The following FETUB variants were observed in gnomAD, a reference collection of about 807,000 sequenced individuals.
FETUB encodes fetuin B, also known as fetuin-B.
A neutral mutation model predicts 30.9 loss-of-function variants in FETUB; 28 were observed. The observed-to-expected ratio is 0.90, with a 90% CI of 0.67 to 1.24. The LOEUF (loss-of-function observed/expected upper bound fraction) is 1.24. FETUB is among the 50% of genes most tolerant of loss of function. The pLI is 0.00. For synonymous variants in FETUB, 186 were observed against 175.9 expected (o/e 1.06, Z -0.45); for missense variants, 469 against 455.3 (o/e 1.03, Z -0.27).
chr3:186,640,277 G>C (rs1040659071), upstream of FETUB: 18 of 613,094 alleles, frequency 2.9e-5, no homozygotes, highest in Non-Finnish European at 5.0e-5. Context: ...TCTAAGGTTA[G>C]AATCATTGGG....
rs779884625 is a variant in FETUB at position 186,652,806 on chromosome 3, G to A, written c.*175G>A. Reference sequence around the variant, plus strand: ...TTGGAAATAATGAGACTGAGCCCTCGGCTTGGGCTGCACTCTACCCTGTAC... The same window carrying A: ...TTGGAAATAATGAGACTGAGCCCTCAGCTTGGGCTGCACTCTACCCTGTAC... On this transcript the variant is annotated 3_prime_UTR_variant, in exon 7 of 7. Coordinates refer to ENST00000265029, the MANE Select transcript of FETUB (RefSeq NM_014375.3). The A allele has an allele frequency of 3.8e-5, 27 of 719,794 alleles. No individual in the cohort carries two copies. The highest frequency in any genetic ancestry group is 5.5e-5 in the Non-Finnish European group (25 of 453,186). The allele number at this position is 719,794 out of a possible 1,614,324, so 44.6% of individuals were successfully genotyped here.
At chr3:186,644,358 TATG>T (rs1396417646) in intron 3 of FETUB, among the ~76,000 whole-genome samples, 1 of 152,200 alleles carries the variant, frequency 6.6e-6, no homozygotes, top group Non-Finnish European at 1.5e-5. Context: ...ATGTATCAGA[TATG>T]ATGTTCGGTG....
chr3:186,652,585 G>T lies in FETUB; in HGVS notation c.1103G>T (p.Cys368Phe). 2 of 1,612,952 alleles carry T rather than the reference G, an allele frequency of 1.2e-6. No homozygotes were observed. Among genetic ancestry groups the T allele is most frequent in the Non-Finnish European group, 1.7e-6 (2 of 1,179,778 alleles). ...FPKEKARTAE[C>F]PGPAQNASPL... ...AAAGAAAAAGCACGCACTGCTGAGT[G>T]CCCAGGGCCAGCCCAGAATGCCAGC... Residue 368 changes from cysteine (C) to phenylalanine (F), a missense_variant, in exon 7 of 7, where the codon TGC becomes TTC. Physicochemically the swap from Cys to Phe is radical, Grantham distance 205 (BLOSUM62 -2). Transcript: ENST00000265029.
chr3:186,646,114 C>T (rs982588161), intron 4 of FETUB, 134 bp from the exon 5 acceptor site: 33 of 640,082 alleles, frequency 5.2e-5, no homozygotes, highest in African/African-American at 1.1e-4. Flanking sequence ...TGGGGATTTG[C>T]GGAACAACAG....
chr3:186,637,678 G>A (rs1716815328), upstream of FETUB, among the ~76,000 whole-genome samples: 1 of 152,214 alleles, frequency 6.6e-6, no homozygotes, highest in African/African-American at 2.4e-5. Flanking sequence ...CCAGAAAAAG[G>A]CCACTGGCAG....
chr3:186,644,858 TACA>T lies in FETUB; in HGVS notation c.537_539del (p.Asn180del), dbSNP rs780384772. The T allele has an allele frequency of 2.2e-5, 35 of 1,613,776 alleles. No homozygotes were observed. The highest frequency in any genetic ancestry group is 1.9e-4 in the African/African-American group (14 of 74,858). ...GGCTGCCACCGAGTCTCTTGCGAAA[TACA>T]ACAATGAGAACACATCCAAGCAGTA... On this transcript the variant is annotated inframe_deletion, in exon 4 of 7. Coordinates refer to ENST00000265029, the MANE Select transcript of FETUB (RefSeq NM_014375.3).
chr3:186,640,480 T>G lies in FETUB; in HGVS notation c.20T>G (p.Leu7Arg). ...CACAGAATGGGTCTGCTCCTTCCCC[T>G]GGCACTCTGCATCCTAGTCCTGTGC... MGLLLP[L>R]ALCILVLCCG... is the part of the protein sequence containing the mutation. The change falls in exon 1 of 7, where the codon CTG (leucine) becomes CGG (arginine). Residue 7 changes from leucine to arginine, a missense_variant. Coordinates refer to ENST00000265029, the MANE Select transcript of FETUB (RefSeq NM_014375.3). 1 of 1,614,158 alleles carries G rather than the reference T, an allele frequency of 6.2e-7. No homozygotes were observed. Among genetic ancestry groups the G allele is most frequent in the South Asian group, 1.1e-5 (1 of 91,078 alleles).
At position 186,644,667 on chromosome 3, in the gene FETUB, C is replaced by G. The variant is rs1319193782; in HGVS notation, c.425-84C>G. Reference sequence around the variant, plus strand: ...AGGGGTATATTCCAGAGGTAACTTCCTCACCCCATCCTTGCCTCTTTACAG... The same window carrying G: ...AGGGGTATATTCCAGAGGTAACTTCGTCACCCCATCCTTGCCTCTTTACAG... On this transcript the variant is annotated intron_variant, in intron 3 of 6. Coordinates refer to ENST00000265029, the MANE Select transcript of FETUB (RefSeq NM_014375.3). 5.5e-6 allele frequency: 6 copies of G among 1,082,786 alleles called. No homozygotes were observed. In the East Asian group the frequency reaches 1.2e-4, roughly 22 times the overall value. 67.1% of individuals were successfully genotyped at this position (1,082,786 alleles called of 1,614,324 possible).
At chr3:186,649,527 T>C (rs1045921385) in intron 5 of FETUB, among the ~76,000 whole-genome samples, 2 of 152,168 alleles carry the variant, frequency 1.3e-5, no homozygotes, top group African/African-American at 4.8e-5. Context: ...TGGAGTACAG[T>C]GGCGCAATCT....
intron 5 of FETUB, among the ~76,000 whole-genome samples, chr3:186,649,891 T>C (rs1224721622): frequency 1.3e-5 from 2 of 152,066 alleles, no homozygotes; most frequent in South Asian, 4.1e-4. Context: ...GAACATGTGG[T>C]TTTTGGCTTT....
intron 5 of FETUB, among the ~76,000 whole-genome samples, chr3:186,649,856 T>C (rs1579052722): frequency 6.6e-6 from 1 of 152,196 alleles, no homozygotes; most frequent in East Asian, 1.9e-4. Context: ...TGTATACCCT[T>C]TCTTTAGCTT....
chr3:186,648,280 T>C (rs1213096670), intron 5 of FETUB, among the ~76,000 whole-genome samples: 3 of 152,240 alleles, frequency 2.0e-5, no homozygotes, highest in African/African-American at 4.8e-5. Context: ...GGCATACTTC[T>C]TGAAGATCAA....
rs767332533 is a variant in FETUB at position 186,652,635 on chromosome 3, TCA to T, written c.*9_*10del. The T allele has an allele frequency of 9.0e-5, 143 of 1,597,064 alleles. 1 individual carries two copies. In the Middle Eastern group the frequency reaches 1.9e-3, roughly 22 times the overall value. On this transcript the variant is annotated 3_prime_UTR_variant, in exon 7 of 7. Coordinates refer to ENST00000265029, the MANE Select transcript of FETUB (RefSeq NM_014375.3). ...CCCTCTTGTCCTTCCGCCATGAGAATCACACAGAGTCTTCTGTAGGGGTATGG... is the reference window on the plus strand; with the variant it reads ...CCCTCTTGTCCTTCCGCCATGAGAATCACAGAGTCTTCTGTAGGGGTATGG...
chr3:186,645,795 T>C (rs6797321), intron 4 of FETUB, among the ~76,000 whole-genome samples: 82,023 of 147,368 alleles, frequency 0.56, 24,128 homozygotes, highest in African/African-American at 0.74. Flanking sequence ...GGCGCGATCT[T>C]GGCTCACTGC....
chr3:186,647,225 T>C (rs1389945955), intron 5 of FETUB: 1 of 152,210 alleles, frequency 6.6e-6, no homozygotes, highest in Non-Finnish European at 1.5e-5. Context: ...TTTTATTGCA[T>C]AGATATTGTT....
intron 5 of FETUB, among the ~76,000 whole-genome samples, chr3:186,650,940 T>C (rs1286993684): frequency 6.6e-6 from 1 of 152,236 alleles, no homozygotes; most frequent in Non-Finnish European, 1.5e-5. Context: ...GTAGAAGTTG[T>C]ATGGACATAA....
At chr3:186,642,351 C>T in intron 2 of FETUB, 120 bp from the exon 3 acceptor site, 1 of 655,572 alleles carries the variant, frequency 1.5e-6, no homozygotes, top group South Asian at 1.9e-5. Context: ...GCCAAAACCA[C>T]AGAATTTGAT....
In FETUB at chr3:186,652,573, G is replaced by A. The variant is rs748755333; in HGVS notation, c.1091G>A (p.Arg364His). The A allele has an allele frequency of 2.7e-5, 43 of 1,613,568 alleles. No homozygotes were observed. The highest frequency in any genetic ancestry group is 1.6e-4 in the East Asian group (7 of 44,888). The stretch of plus-strand genomic sequence containing the variant: ...CTGCCTTTCCCCAAAGAAAAAGCAC[G>A]CACTGCTGAGTGCCCAGGGCCAGCC... ...VVLPFPKEKARTAECPGPAQN... is the reference protein window; with the variant it reads ...VVLPFPKEKAHTAECPGPAQN... The change falls in exon 7 of 7, where the codon CGC (arginine) becomes CAC (histidine). Residue 364 changes from arginine to histidine, a missense_variant. Arg to His is a conservative substitution (Grantham distance 29). Transcript: ENST00000265029.
chr3:186,642,190 C>A (rs1717114954), intron 2 of FETUB: 1 of 342,704 alleles, frequency 2.9e-6, no homozygotes, highest in African/African-American at 2.2e-5. Flanking sequence ...TGAGCCAGAT[C>A]TGGAAATGGT....
Sources: allele counts gnomAD v4.1 joint callset (sites outside exome capture counted in the v4.1 genomes callset), GRCh38; gene constraint gnomAD v4.1.1; transcripts MANE v1.5; gene names NCBI Gene and HGNC (gene_info 2026-07-23, HGNC 2026-07-21).